The following CHAF1A variants were observed in gnomAD, a reference collection of about 807,000 sequenced individuals.
CHAF1A encodes the protein CAF-1 subunit A.
A neutral mutation model predicts 93.2 loss-of-function variants in CHAF1A; 5 were observed. The ratio of observed to expected loss-of-function variants is 0.05; its 90% CI spans 0.03 to 0.11. The LOEUF is 0.11. Ranked by LOEUF, CHAF1A falls within the 10% of genes least tolerant of loss-of-function variation. The pLI is 1.00. For missense variants in CHAF1A, 1,102 were observed against 1,259.9 expected (o/e 0.87, Z 1.90); for synonymous variants, 504 against 510.3 (o/e 0.99, Z 0.17).
At chr19:4,440,645 T>C (rs965825493) in intron 13 of CHAF1A, among the ~76,000 whole-genome samples, 1 of 151,798 alleles carries the variant, frequency 6.6e-6, no homozygotes, top group Non-Finnish European at 1.5e-5. Flanking sequence ...CCTCAGGCAA[T>C]TTCATGGTTG....
chr19:4,446,764 C>T (rs1974538752), downstream of CHAF1A: 1 of 1,611,832 alleles, frequency 6.2e-7, no homozygotes, highest in African/African-American at 1.3e-5. Flanking sequence ...ATGGAGAGAC[C>T]CCCAAGCCGG....
downstream of CHAF1A, chr19:4,445,549 C>A (rs200744680): frequency 6.2e-7 from 1 of 1,613,856 alleles, no homozygotes; most frequent in Non-Finnish European, 8.5e-7. Flanking sequence ...GGATGGAGTC[C>A]GGCTCGGCCC....
chr19:4,427,778 G>A (rs772462806), intron 7 of CHAF1A, among the ~76,000 whole-genome samples: 2 of 152,300 alleles, frequency 1.3e-5, no homozygotes, highest in Middle Eastern at 3.4e-3. Flanking sequence ...AGTAGAGACC[G>A]GGTTTCACTG....
chr19:4,424,352 C>T (rs1974042943), intron 7 of CHAF1A, among the ~76,000 whole-genome samples: 1 of 152,212 alleles, frequency 6.6e-6, no homozygotes, highest in Non-Finnish European at 1.5e-5. Context: ...GTTAGGGGTC[C>T]TTCAGTGCCT....
chr19:4,430,136 G>C (rs540444625), intron 10 of CHAF1A: 3 of 351,282 alleles, frequency 8.5e-6, no homozygotes, highest in Non-Finnish European at 1.6e-5. Flanking sequence ...GATGCTCACC[G>C]TGTCTGTCGG....
chr19:4,444,000 C>A (rs572805213), downstream of CHAF1A, among the ~76,000 whole-genome samples: 1 of 152,312 alleles, frequency 6.6e-6, no homozygotes, highest in East Asian at 1.9e-4. Flanking sequence ...CAGTCAGGGA[C>A]GGCAGGGCGC....
chr19:4,428,747 C>A lies in CHAF1A; in HGVS notation c.1461C>A (p.Phe487Leu), dbSNP rs758852937. Reference protein sequence around the residue: ...MVLAPRRRTAFHPDLCSQLDQ... With the variant: ...MVLAPRRRTALHPDLCSQLDQ... ...TGGCCCCTCGGCGTCGGACCGCTTTCCATCCAGACCTCTGCAGTCAGCTGG... is the reference window on the plus strand; with the variant it reads ...TGGCCCCTCGGCGTCGGACCGCTTTACATCCAGACCTCTGCAGTCAGCTGG... The change falls in exon 8 of 15, where the codon TTC becomes TTA. Residue 487 changes from phenylalanine to leucine, a missense_variant. Physicochemically the swap from Phe to Leu is conservative, Grantham distance 22 (BLOSUM62 0). Transcript: ENST00000301280. The A allele has an allele frequency of 2.5e-5, 40 of 1,614,094 alleles. No individual in the cohort carries two copies. In the Middle Eastern group the frequency reaches 8.2e-4, roughly 33 times the overall value.
Position 4,408,900 on chromosome 19 carries a change from C to G in CHAF1A, c.104-3C>G. The G allele has an allele frequency of 6.3e-7, 1 of 1,593,364 alleles. No individual in the cohort carries two copies. Among genetic ancestry groups the G allele is most frequent in the Non-Finnish European group, 8.5e-7 (1 of 1,172,746 alleles). ...TAGAGATGGCTTTCTGTCTTTGTTT[C>G]AGCCCGTCTGCCGTTTAAGCGCCTG... On this transcript the variant is annotated splice_region_variant and splice_polypyrimidine_tract_variant and intron_variant, in intron 2 of 14. Transcript: ENST00000301280.
In CHAF1A at chr19:4,429,674, GAC is replaced by G. The variant is rs369329333; in HGVS notation, c.1774-32_1774-31del. On this transcript the variant is annotated intron_variant, in intron 9 of 14. Transcript: ENST00000301280. ...TGTGCCCCTTTCCTCCAGCCCCAAA[GAC>G]AGTTGTGAGTCCCATGTGTTTCTTT... The G allele has an allele frequency of 1.4e-4, 225 of 1,613,990 alleles. 1 individual carries two copies. The African/African-American group carries it at 2.8e-3, about 20-fold the overall frequency.
At chr19:4,407,993 T>A (rs1973711312) in intron 2 of CHAF1A, among the ~76,000 whole-genome samples, 1 of 151,430 alleles carries the variant, frequency 6.6e-6, no homozygotes, top group South Asian at 2.1e-4. Context: ...AAGGATAGAA[T>A]GAAAAGATAG....
chr19:4,414,498 C>T (rs1973864186), intron 3 of CHAF1A, among the ~76,000 whole-genome samples: 1 of 151,896 alleles, frequency 6.6e-6, no homozygotes, highest in Non-Finnish European at 1.5e-5. Context: ...TTGTGTTTTT[C>T]TGTGTCCTGT....
At chr19:4,403,907 C>T (rs1179553458) in intron 1 of CHAF1A, among the ~76,000 whole-genome samples, 2 of 152,172 alleles carry the variant, frequency 1.3e-5, no homozygotes, top group Non-Finnish European at 2.9e-5. Flanking sequence ...CCAACCTCTG[C>T]CTCTCTGGTT....
intron 8 of CHAF1A, chr19:4,429,159 C>A: frequency 1.7e-6 from 1 of 588,848 alleles, no homozygotes; most frequent in Non-Finnish European, 3.0e-6. Flanking sequence ...CCCAACACCT[C>A]GCTCTTGCAA....
intron 4 of CHAF1A, among the ~76,000 whole-genome samples, chr19:4,420,219 G>A (rs566685481): frequency 2.6e-5 from 4 of 151,784 alleles, no homozygotes; most frequent in African/African-American, 9.7e-5. Context: ...TTAGGAGCGG[G>A]CACCTGTGGA....
chr19:4,447,199 C>T, downstream of CHAF1A: 1 of 582,130 alleles, frequency 1.7e-6, no homozygotes, highest in Non-Finnish European at 3.1e-6. Flanking sequence ...GCGAGGCTAA[C>T]ACCGCCCAGG....
At chr19:4,423,755 T>TA (rs1355549692) in intron 6 of CHAF1A, 51 bp from the exon 7 acceptor site, 5 of 1,563,678 alleles carry the variant, frequency 3.2e-6, no homozygotes, top group Admixed American at 1.7e-5. Flanking sequence ...TTGCAACACA[T>TA]ACTGTTCCTC....
At chr19:4,423,999 G>A in intron 7 of CHAF1A, 125 bp downstream of exon 7, 1 of 805,382 alleles carries the variant, frequency 1.2e-6, no homozygotes, top group Non-Finnish European at 2.0e-6. Context: ...AGTGACCTAG[G>A]GCACTTCCAT....
At chr19:4,425,040 A>G (rs528220909) in intron 7 of CHAF1A, among the ~76,000 whole-genome samples, 1 of 151,830 alleles carries the variant, frequency 6.6e-6, no homozygotes, top group Admixed American at 6.6e-5. Context: ...CTCTCAAAGC[A>G]CTTGGATTAC....
chr19:4,426,631 C>T lies in CHAF1A; in HGVS notation c.1378-2033C>T, dbSNP rs368862997. Among the ~76,000 whole-genome samples, 10 of 152,142 alleles carry T rather than the reference C, an allele frequency of 6.6e-5. No individual in the cohort carries two copies. In the East Asian group the frequency reaches 7.7e-4, roughly 12 times the overall value. ...CTGAGATTACAGGCATGTGCTGCCA[C>T]GCCCAGCTAATTTTGTATTTTTAGT... On this transcript the variant is annotated intron_variant, in intron 7 of 14. Coordinates refer to ENST00000301280, the MANE Select transcript of CHAF1A (RefSeq NM_005483.3).
Sources: gnomAD v4.1 joint callset for allele counts (sites outside exome capture counted in the v4.1 genomes callset) on GRCh38, gnomAD v4.1.1 for gene constraint, MANE v1.5 for transcripts, NCBI Gene and HGNC (gene_info 2026-07-23, HGNC 2026-07-21) for gene names.